Variants in CFDP1 observed in about 807,000 individuals in gnomAD.
The protein encoded by CFDP1 is chromatin remodeling protein CFDP1, also known as heterochromatin-stabilizing protein CFDP1.
Under a neutral mutation model 40.1 loss-of-function variants are expected in CFDP1, and 31 were observed. The ratio of observed to expected loss-of-function variants is 0.77; its 90% CI spans 0.58 to 1.04. The LOEUF is 1.04. CFDP1 is among the 50% of genes least tolerant of loss of function. The probability of loss-of-function intolerance (pLI) is 0.00; values close to 1 mark genes in which losing one functional copy is unlikely to be tolerated. For missense variants in CFDP1, 423 were observed against 343.4 expected, an observed-to-expected ratio of 1.23 and a Z score of -1.83; for synonymous variants, 167 against 120.0, an observed-to-expected ratio of 1.39 and a Z score of -2.56.
chr16:75,364,037 C>T (rs1051582497), intron 5 of CFDP1, among the ~76,000 whole-genome samples: 5 of 151,396 alleles, frequency 3.3e-5, no homozygotes, highest in Middle Eastern at 6.8e-3. Context: ...AAGGTTCATA[C>T]TAGTGGGAAC....
intron 5 of CFDP1, among the ~76,000 whole-genome samples, chr16:75,371,576 C>T (rs930822218): frequency 3.3e-5 from 5 of 152,150 alleles, no homozygotes; most frequent in Non-Finnish European, 7.3e-5. Context: ...CTAATTCAGG[C>T]TCTTTTCTAA....
At chr16:75,323,661 C>T (rs1433605578) in intron 5 of CFDP1, among the ~76,000 whole-genome samples, 2 of 152,018 alleles carry the variant, frequency 1.3e-5, no homozygotes, top group South Asian at 4.1e-4. Flanking sequence ...TGCCTGTAAT[C>T]CCAGCTACTC....
At chr16:75,344,532 T>C (rs902922477) in intron 5 of CFDP1, among the ~76,000 whole-genome samples, 1 of 152,274 alleles carries the variant, frequency 6.6e-6, no homozygotes, top group East Asian at 1.9e-4. Context: ...TGTATTCACC[T>C]AAGAAAAACC....
At position 75,298,766 on chromosome 16, in the gene CFDP1, TTAAG is replaced by T. The variant is rs2078201936; in HGVS notation, c.810-4728_810-4725del. The stretch of plus-strand genomic sequence containing the variant: ...GTTAGACTGGAAGGGCAGTTTCTAA[TTAAG>T]TTTCTTCTCCACTGCCTTCTTCCCC... On this transcript the variant is annotated intron_variant, in intron 6 of 6. Coordinates refer to ENST00000283882, the MANE Select transcript of CFDP1 (RefSeq NM_006324.3). 2.6e-5 allele frequency among the ~76,000 whole-genome samples: 4 copies of T among 152,302 alleles called. No individual in the cohort carries two copies. The South Asian group carries it at 8.3e-4, about 32-fold the overall frequency.
intron 5 of CFDP1, among the ~76,000 whole-genome samples, chr16:75,342,519 G>A (rs1255547602): frequency 6.6e-6 from 1 of 152,188 alleles, no homozygotes; most frequent in Non-Finnish European, 1.5e-5. Context: ...GTAGTAAGGA[G>A]GTCACTGCTG....
chr16:75,414,772 C>G, intron 1 of CFDP1, 77 bp from the exon 2 acceptor site: 1 of 888,066 alleles, frequency 1.1e-6, no homozygotes. Context: ...TTAATACAAG[C>G]TTTCACACCG....
intron 5 of CFDP1, among the ~76,000 whole-genome samples, chr16:75,390,884 G>T (rs2078943465): frequency 6.6e-6 from 1 of 152,186 alleles, no homozygotes; most frequent in Non-Finnish European, 1.5e-5. Context: ...CCAGCCCCAG[G>T]GAGGCCACAC....
intron 5 of CFDP1, among the ~76,000 whole-genome samples, chr16:75,316,421 G>T (rs1420732762): frequency 6.6e-6 from 1 of 152,046 alleles, no homozygotes; most frequent in Non-Finnish European, 1.5e-5. Flanking sequence ...TATTTGAAAG[G>T]CCAGGCAGTG....
chr16:75,343,606 G>C (rs1053929861), intron 5 of CFDP1, among the ~76,000 whole-genome samples: 1 of 152,162 alleles, frequency 6.6e-6, no homozygotes, highest in East Asian at 1.9e-4. Flanking sequence ...GGGCACCTGG[G>C]GAAGCCTGGA....
At chr16:75,354,713 G>C (rs542161581) in intron 5 of CFDP1, among the ~76,000 whole-genome samples, 1 of 152,264 alleles carries the variant, frequency 6.6e-6, no homozygotes, top group East Asian at 1.9e-4. Flanking sequence ...TGTTTTAAAA[G>C]TTACTGCTTA....
intron 5 of CFDP1, among the ~76,000 whole-genome samples, chr16:75,374,251 A>C (rs1031897005): frequency 3.7e-4 from 57 of 152,280 alleles, no homozygotes; most frequent in Admixed American, 8.5e-4. Flanking sequence ...AAATAAAATA[A>C]AATAAATTAT....
chr16:75,404,088 C>T (rs2079078510), intron 4 of CFDP1, among the ~76,000 whole-genome samples: 3 of 151,502 alleles, frequency 2.0e-5, no homozygotes, highest in East Asian at 3.9e-4. Context: ...GCTGAGATCG[C>T]ACCACTGCAC....
intron 4 of CFDP1, among the ~76,000 whole-genome samples, chr16:75,396,332 G>A (rs1483166983): frequency 9.6e-6 from 1 of 104,354 alleles, no homozygotes; most frequent in Non-Finnish European, 2.3e-5. Flanking sequence ...GAAGTCATGA[G>A]TTTGAGACCA....
At chr16:75,423,606 T>C (rs1470291273) in intron 1 of CFDP1, among the ~76,000 whole-genome samples, 2 of 151,934 alleles carry the variant, frequency 1.3e-5, no homozygotes, top group East Asian at 1.9e-4. Context: ...CCTCCGCCTC[T>C]TGGGTTCACG....
intron 5 of CFDP1, among the ~76,000 whole-genome samples, chr16:75,319,775 G>T (rs772815462): frequency 9.9e-5 from 15 of 152,072 alleles, no homozygotes; most frequent in Non-Finnish European, 1.9e-4. Context: ...CACAACCCAG[G>T]ATTTAAAGAG....
chr16:75,330,139 A>T (rs1438249840), intron 5 of CFDP1, among the ~76,000 whole-genome samples: 3 of 152,220 alleles, frequency 2.0e-5, no homozygotes, highest in Admixed American at 6.5e-5. Flanking sequence ...CCACTGCTGT[A>T]GCGAAAGCTC....
At chr16:75,326,680 G>C (rs1170743484) in intron 5 of CFDP1, among the ~76,000 whole-genome samples, 2 of 152,158 alleles carry the variant, frequency 1.3e-5, no homozygotes, top group African/African-American at 4.8e-5. Flanking sequence ...AAGAACGTCA[G>C]GGATAAAAAG....
At chr16:75,366,131 A>T (rs1297417082) in intron 5 of CFDP1, among the ~76,000 whole-genome samples, 2 of 152,250 alleles carry the variant, frequency 1.3e-5, no homozygotes, top group African/African-American at 2.4e-5. Context: ...AAACAACACA[A>T]TGTCCATCAA....
chr16:75,320,746 G>A (rs189917852), intron 5 of CFDP1, among the ~76,000 whole-genome samples: 53 of 152,336 alleles, frequency 3.5e-4, no homozygotes, highest in Non-Finnish European at 4.0e-4. Context: ...ATGAAGGAAA[G>A]GGGCTCAGAA....
Sources: allele counts gnomAD v4.1 joint callset (sites outside exome capture counted in the v4.1 genomes callset), GRCh38; gene constraint gnomAD v4.1.1; transcripts MANE v1.5; gene names NCBI Gene and HGNC (gene_info 2026-07-23, HGNC 2026-07-21).